The following ATP2B2 variants were observed in gnomAD, a reference collection of about 807,000 sequenced individuals.
ATP2B2 encodes plasma membrane calcium-transporting ATPase 2.
Under a neutral mutation model 120.0 loss-of-function variants are expected in ATP2B2, and 15 were observed. The ratio of observed to expected loss-of-function variants is 0.12; its 90% CI spans 0.08 to 0.19. ATP2B2 has a LOEUF of 0.19. Among genes scored for constraint, ATP2B2 ranks in the 10% least tolerant of loss-of-function variants. ATP2B2 has a pLI of 1.00. For missense variants in ATP2B2, 1,045 were observed against 1,719.8 expected, an observed-to-expected ratio of 0.61 and a Z score of 6.94; for synonymous variants, 694 against 700.3, an observed-to-expected ratio of 0.99 and a Z score of 0.14.
chr3:10,521,315 A>C (rs534643983), intron 3 of ATP2B2, among the ~76,000 whole-genome samples: 44 of 152,326 alleles, frequency 2.9e-4, no homozygotes, highest in African/African-American at 1.0e-3. Context: ...CCCCATAAAC[A>C]ATCAGTCAAG....
chr3:10,701,197 C>A (rs141317498), intron 1 of ATP2B2, among the ~76,000 whole-genome samples: 4 of 152,212 alleles, frequency 2.6e-5, no homozygotes, highest in Non-Finnish European at 4.4e-5. Flanking sequence ...CTCTTATCTA[C>A]TCCTGATGGC....
At position 10,573,485 on chromosome 3, in the gene ATP2B2, ACTAC is replaced by A. The variant is rs558889887; in HGVS notation, c.-414-39356_-414-39353del. Reference sequence around the variant, plus strand: ...CAGTCTCTTCCCTAGAACTTTGATCACTACCTGTTCCTGAAACAAGAGGGTCTCA... The same window carrying A: ...CAGTCTCTTCCCTAGAACTTTGATCACTGTTCCTGAAACAAGAGGGTCTCA... On this transcript the variant is annotated intron_variant, in intron 2 of 21. Coordinates refer to the ATP2B2 transcript ENST00000646379. 4.6e-5 allele frequency among the ~76,000 whole-genome samples: 7 copies of A among 152,292 alleles called. No homozygotes were observed. In the East Asian group the frequency reaches 1.4e-3, roughly 29 times the overall value.
intron 1 of ATP2B2, among the ~76,000 whole-genome samples, chr3:10,695,376 C>T (rs908694951): frequency 7.2e-5 from 11 of 152,002 alleles, no homozygotes; most frequent in Non-Finnish European, 1.2e-4. Flanking sequence ...AAGACCTGCT[C>T]CCATGATTCA....
chr3:10,602,912 G>A (rs927571857), intron 2 of ATP2B2, among the ~76,000 whole-genome samples: 2 of 152,176 alleles, frequency 1.3e-5, no homozygotes, highest in Non-Finnish European at 2.9e-5. Flanking sequence ...TTTTGGGGCT[G>A]TTTCATTTCT....
chr3:10,618,499 G>A (rs1381941445), intron 2 of ATP2B2, among the ~76,000 whole-genome samples: 1 of 152,206 alleles, frequency 6.6e-6, no homozygotes, highest in Non-Finnish European at 1.5e-5. Context: ...AGAAGTGACA[G>A]ATCAAGTCCA....
intron 2 of ATP2B2, among the ~76,000 whole-genome samples, chr3:10,427,267 C>T (rs561565819): frequency 3.9e-5 from 6 of 152,182 alleles, no homozygotes; most frequent in Non-Finnish European, 7.3e-5. Context: ...TAATTGTTTC[C>T]TTCAAATCTA....
chr3:10,359,921 C>A lies in ATP2B2; in HGVS notation c.1862G>T (p.Arg621Leu), dbSNP rs1391563891. ...CTCAGAAGCCCCCTTGCTGTACATG[C>A]GGAAGCTCTCGTCGGGCAGCTTGAT... Reference protein sequence around the residue: ...TVIKLPDESFRMYSKGASEIV... With the variant: ...TVIKLPDESFLMYSKGASEIV... The change falls in exon 13 of 23, where the codon CGC (arginine) becomes CTC (leucine). Residue 621 changes from arginine (R) to leucine (L), a missense_variant. This residue lies in a region of ATP2B2 where 343 missense variants were observed against 536.8 expected (regional missense o/e 0.64). Coordinates refer to ENST00000360273, the MANE Select transcript of ATP2B2 (RefSeq NM_001001331.4). The A allele has an allele frequency of 1.2e-6, 2 of 1,614,116 alleles. No homozygotes were observed. Among genetic ancestry groups the A allele is most frequent in the Non-Finnish European group, 1.7e-6 (2 of 1,180,042 alleles).
At chr3:10,338,850 G>T (rs1268093805) in intron 21 of ATP2B2, 2 of 205,246 alleles carry the variant, frequency 9.7e-6, no homozygotes, top group African/African-American at 4.7e-5. Flanking sequence ...TTCTCCTGGG[G>T]TTACTTATTC....
chr3:10,582,352 G>C (rs1254909050), intron 2 of ATP2B2, among the ~76,000 whole-genome samples: 2 of 152,074 alleles, frequency 1.3e-5, no homozygotes, highest in Non-Finnish European at 2.9e-5. Context: ...CTGGACTGAG[G>C]GTCCTCAAGG....
In ATP2B2 at chr3:10,574,623, A is replaced by C. The variant is rs184161010; in HGVS notation, c.-414-40490T>G. 1.5e-3 allele frequency among the ~76,000 whole-genome samples: 227 copies of C among 152,304 alleles called. 2 individuals are homozygous for C. The highest frequency in any genetic ancestry group is 5.3e-3 in the African/African-American group (220 of 41,558). ...TCCTTATCTCTAATTTATAATTATT[A>C]TTTACATTTCTCTATACACAAAGTC... On this transcript the variant is annotated intron_variant, in intron 2 of 21. Coordinates refer to the ATP2B2 transcript ENST00000646379.
At chr3:10,476,291 G>T (rs1055402352) in intron 1 of ATP2B2, among the ~76,000 whole-genome samples, 5 of 152,200 alleles carry the variant, frequency 3.3e-5, no homozygotes, top group Admixed American at 6.5e-5. Context: ...AAGAGGTTGT[G>T]TTTTTCTGGG....
At chr3:10,656,654 C>G (rs1222403025) in intron 1 of ATP2B2, among the ~76,000 whole-genome samples, 2 of 152,204 alleles carry the variant, frequency 1.3e-5, no homozygotes, top group Non-Finnish European at 2.9e-5. Flanking sequence ...AGGTCCCTGA[C>G]CTCACACAGC....
chr3:10,531,773 AATGCCT>A (rs1183039885), intron 3 of ATP2B2, among the ~76,000 whole-genome samples: 1 of 152,130 alleles, frequency 6.6e-6, no homozygotes, highest in African/African-American at 2.4e-5. Context: ...GGCTCATCGC[AATGCCT>A]GGCACGCAGT....
At chr3:10,499,690 C>T (rs1358069920) in intron 1 of ATP2B2, among the ~76,000 whole-genome samples, 2 of 152,168 alleles carry the variant, frequency 1.3e-5, no homozygotes, top group African/African-American at 2.4e-5. Context: ...TGGGCCCCTT[C>T]ACACCTTGAA....
chr3:10,701,911 C>T (rs1004771736), intron 1 of ATP2B2, among the ~76,000 whole-genome samples: 3 of 152,088 alleles, frequency 2.0e-5, no homozygotes, highest in African/African-American at 7.2e-5. Context: ...GCCAGTCAGT[C>T]TCACCTTCTG....
At chr3:10,531,433 C>G (rs116790966) in intron 3 of ATP2B2, among the ~76,000 whole-genome samples, 1 of 152,208 alleles carries the variant, frequency 6.6e-6, no homozygotes, top group Non-Finnish European at 1.5e-5. Flanking sequence ...GGGATTAACA[C>G]TGAACACTCT....
At chr3:10,514,469 G>A (rs980376005) in intron 3 of ATP2B2, among the ~76,000 whole-genome samples, 2 of 152,208 alleles carry the variant, frequency 1.3e-5, no homozygotes, top group Admixed American at 1.3e-4. Flanking sequence ...AATTCCCTTT[G>A]GGATCTGCCT....
intron 1 of ATP2B2, among the ~76,000 whole-genome samples, chr3:10,469,918 T>C (rs11928209): frequency 0.32 from 48,416 of 151,850 alleles, 8,125 homozygotes; most frequent in Admixed American, 0.4. Flanking sequence ...CTGGCAACCA[T>C]GCAGGATGTC....
At chr3:10,643,764 A>G (rs2070239530) in intron 1 of ATP2B2, among the ~76,000 whole-genome samples, 1 of 152,232 alleles carries the variant, frequency 6.6e-6, no homozygotes, top group Non-Finnish European at 1.5e-5. Context: ...GGCTTAAGAG[A>G]TATGACAACC....
Sources: allele counts gnomAD v4.1 joint callset (sites outside exome capture counted in the v4.1 genomes callset), GRCh38; gene constraint gnomAD v4.1.1; regional missense constraint gnomAD v4.1.1; transcripts MANE v1.5; gene names NCBI Gene and HGNC (gene_info 2026-07-23, HGNC 2026-07-21).